MRAP2: variants seen among roughly 807,000 people sequenced by gnomAD.
MRAP2 encodes the protein melanocortin-2 receptor accessory protein 2.
MRAP2 carries 20 observed loss-of-function variants against 17.4 expected under a neutral mutation model. That is an observed-to-expected ratio of 1.15 (90% CI 0.81 to 1.67). The LOEUF is 1.67. Among genes scored for constraint, MRAP2 ranks in the 40% most tolerant of loss-of-function variants. MRAP2 has a pLI of 0.00. For missense variants in MRAP2, 238 were observed against 240.0 expected (o/e 0.99, Z 0.05); for synonymous variants, 96 against 88.4 (o/e 1.09, Z -0.48).
rs530664230 is a variant in MRAP2, at chr6:84,042,006, C to T, written c.-8+8123C>T. Among the ~76,000 whole-genome samples the T allele has an allele frequency of 1.6e-3, 250 of 152,264 alleles. 1 individual carries two copies. The highest frequency in any genetic ancestry group is 5.0e-3 in the African/African-American group (209 of 41,546). ...TATGGTTAGGTTTTGTGTCCCCACC[C>T]GTCTCATCTTGAACTGTAGTGCTCA... On this transcript the variant is annotated intron_variant, in intron 1 of 3. Transcript: ENST00000257776.
the MRAP2 span, among the ~76,000 whole-genome samples, chr6:84,107,553 G>A: frequency 6.6e-6 from 1 of 152,180 alleles, no homozygotes; most frequent in Non-Finnish European, 1.5e-5. Context: ...GAAAGGGAAA[G>A]GCAATCAAGA....
intron 3 of MRAP2, among the ~76,000 whole-genome samples, chr6:84,081,358 A>G (rs2099498940): frequency 1.3e-5 from 2 of 152,126 alleles, no homozygotes; most frequent in African/African-American, 4.8e-5. Flanking sequence ...AGGTGTCGGT[A>G]TGTTTTGATT....
the MRAP2 span, among the ~76,000 whole-genome samples, chr6:84,100,464 G>A: frequency 5.3e-5 from 8 of 151,694 alleles, no homozygotes; most frequent in African/African-American, 1.9e-4. Context: ...ACAGCATTTC[G>A]CCATGTTGTC....
rs2099501485 is a variant in MRAP2 at position 84,090,078 on chromosome 6, C to A, written c.*597C>A. On this transcript the variant is annotated 3_prime_UTR_variant, in exon 4 of 4. Coordinates refer to ENST00000257776, the MANE Select transcript of MRAP2 (RefSeq NM_138409.4). ...ACCTTTGGTGAGTTGCTTTACCTCT[C>A]TGGGCTGCCCCATTTTTAACTGTAG... The A allele has an allele frequency of 6.5e-6, 1 of 153,510 alleles. No individual in the cohort carries two copies. Among genetic ancestry groups the A allele is most frequent in the Non-Finnish European group, 1.4e-5 (1 of 68,992 alleles). The allele number at this position is 153,510 out of a possible 1,614,324, so 9.5% of individuals were successfully genotyped here.
At chr6:84,134,255 G>C in the MRAP2 span, among the ~76,000 whole-genome samples, 1 of 152,210 alleles carries the variant, frequency 6.6e-6, no homozygotes, top group Non-Finnish European at 1.5e-5. Flanking sequence ...TATGCTGGCA[G>C]TGAGAATTTC....
rs991543337 is a variant in MRAP2 at position 84,044,844 on chromosome 6, G to A, written c.-7-10468G>A. On this transcript the variant is annotated intron_variant, in intron 1 of 3. Coordinates refer to ENST00000257776, the MANE Select transcript of MRAP2 (RefSeq NM_138409.4). ...ACCTTATTCACATTGTAGTACAGTC[G>A]GGGCTCCACACCCGTGGGTTCCACA... Among the ~76,000 whole-genome samples, 5 of 152,158 alleles carry A rather than the reference G, an allele frequency of 3.3e-5. No individual in the cohort carries two copies. In the East Asian group the frequency reaches 5.8e-4, roughly 18 times the overall value.
chr6:84,033,570 T>C, upstream of MRAP2: 1 of 613,134 alleles, frequency 1.6e-6, no homozygotes, highest in Non-Finnish European at 2.0e-6. Context: ...ACTCAGGCTC[T>C]GACCCGGACT....
Position 84,089,812 on chromosome 6 carries a change from G to GTT in MRAP2, c.*341_*342dup, listed in dbSNP as rs201774368. The GTT allele has an allele frequency of 8.4e-4, 115 of 136,394 alleles. No individual in the cohort carries two copies. Among genetic ancestry groups the GTT allele is most frequent in the Non-Finnish European group, 1.1e-3 (87 of 81,576 alleles). The allele number at this position is 136,394 out of a possible 1,614,324, so 8.4% of individuals were successfully genotyped here. A position where few individuals can be genotyped will look rare whatever the true frequency, so the allele number is the denominator to read the frequency against. ...TAAACTTTATTAAAACATGAGTTTT[G>GTT]TTTTTTTTTTTGCTATTTTTTTTAA... On this transcript the variant is annotated 3_prime_UTR_variant, in exon 4 of 4. Coordinates refer to ENST00000257776, the MANE Select transcript of MRAP2 (RefSeq NM_138409.4).
chr6:84,131,596 T>C, the MRAP2 span, among the ~76,000 whole-genome samples: 2 of 152,080 alleles, frequency 1.3e-5, no homozygotes, highest in East Asian at 3.9e-4. Flanking sequence ...TTTACCATTA[T>C]GGCCTTGTCT....
chr6:84,130,613 C>A, the MRAP2 span, among the ~76,000 whole-genome samples: 1 of 152,242 alleles, frequency 6.6e-6, no homozygotes, highest in South Asian at 2.1e-4. Flanking sequence ...GGAATTTTTC[C>A]ATTTCTTCTA....
the MRAP2 span, among the ~76,000 whole-genome samples, chr6:84,108,687 C>A: frequency 6.6e-6 from 1 of 152,028 alleles, no homozygotes; most frequent in Non-Finnish European, 1.5e-5. Flanking sequence ...AGTTAGATCC[C>A]ATTTGTCAAA....
chr6:84,138,351 G>A, the MRAP2 span, among the ~76,000 whole-genome samples: 1 of 152,210 alleles, frequency 6.6e-6, no homozygotes, highest in African/African-American at 2.4e-5. Context: ...ATTGCCTGGA[G>A]GCAGTTTTGA....
intron 3 of MRAP2, among the ~76,000 whole-genome samples, chr6:84,075,223 A>G (rs1043462032): frequency 6.6e-6 from 1 of 152,188 alleles, no homozygotes; most frequent in Non-Finnish European, 1.5e-5. Context: ...CCTTCCTCCC[A>G]CAGCTCATTA....
At chr6:84,093,280 A>AG (rs1254048904), downstream of MRAP2, among the ~76,000 whole-genome samples, 21 of 131,834 alleles carry the variant, frequency 1.6e-4, no homozygotes, top group African/African-American at 6.9e-4. Context: ...GAGAGAGAGA[A>AG]AGAAAAAGGG....
In MRAP2 at chr6:84,058,664, T is replaced by C. The variant is rs187387877; in HGVS notation, c.127+3219T>C. ...GTAGACAGAAAACTGAAGAGTCCAA[T>C]GCTGAGCCCTGGGCACGCTTGTGTT... On this transcript the variant is annotated intron_variant, in intron 2 of 3. Transcript: ENST00000257776. Among the ~76,000 whole-genome samples the C allele has an allele frequency of 2.3e-3, 350 of 152,208 alleles. 2 individuals carry two copies. Among genetic ancestry groups the C allele is most frequent in the Middle Eastern group, 6.8e-3 (2 of 294 alleles).
At chr6:84,140,501 G>A in the MRAP2 span, among the ~76,000 whole-genome samples, 1 of 152,038 alleles carries the variant, frequency 6.6e-6, no homozygotes, top group African/African-American at 2.4e-5. Context: ...CGGCAACCAT[G>A]GTTAAGCTAC....
In MRAP2 at chr6:84,064,550, C is replaced by G. The variant is rs978315586; in HGVS notation, c.227+1558C>G. ...TCACCCAGGCTGGAGTGCAGTGGCG[C>G]CATCTTGGCTCACTGCAAGCTCCGC... is the stretch of plus-strand genomic sequence containing the variant. On this transcript the variant is annotated intron_variant, in intron 3 of 3. Coordinates refer to ENST00000257776, the MANE Select transcript of MRAP2 (RefSeq NM_138409.4). Among the ~76,000 whole-genome samples, 69 of 152,088 alleles carry G rather than the reference C, an allele frequency of 4.5e-4. 2 individuals carry two copies. The highest frequency in any genetic ancestry group is 5.0e-4 in the Non-Finnish European group (34 of 68,024).
chr6:84,134,296 G>T, the MRAP2 span, among the ~76,000 whole-genome samples: 1 of 152,176 alleles, frequency 6.6e-6, no homozygotes, highest in African/African-American at 2.4e-5. Flanking sequence ...GCTGGGCTCT[G>T]TGGGGGTGGG....
chr6:84,062,750 T>C (rs2480192), intron 2 of MRAP2, 143 bp from the exon 3 acceptor site: 75,823 of 1,456,638 alleles, frequency 0.052, 2,391 homozygotes, highest in African/African-American at 0.13. Context: ...TTACATCTTA[T>C]CAGTCTCCAG....
Sources: allele counts gnomAD v4.1 joint callset (sites outside exome capture counted in the v4.1 genomes callset), GRCh38; gene constraint gnomAD v4.1.1; transcripts MANE v1.5; gene names NCBI Gene and HGNC (gene_info 2026-07-23, HGNC 2026-07-21).